LRSAM1: variants seen among roughly 807,000 people sequenced by gnomAD.
LRSAM1 encodes the protein E3 ubiquitin-protein ligase LRSAM1.
In LRSAM1, 96 loss-of-function variants were observed where a neutral mutation model predicts 118.1. The ratio of observed to expected loss-of-function variants is 0.81; its 90% confidence interval spans 0.69 to 0.96. The LOEUF is 0.96. Ranked by LOEUF, LRSAM1 falls within the 40% of genes least tolerant of loss-of-function variation. The pLI is 0.00. For missense variants in LRSAM1, 804 were observed against 915.5 expected (o/e 0.88, Z 1.57); for synonymous variants, 322 against 364.2 (o/e 0.88, Z 1.32).
At chr9:127,473,214 A>G (rs749885530) in intron 10 of LRSAM1, among the ~76,000 whole-genome samples, 2 of 152,232 alleles carry the variant, frequency 1.3e-5, no homozygotes, top group Non-Finnish European at 2.9e-5. Flanking sequence ...CTTTGAGTAC[A>G]TCAAAACTTA....
Position 127,467,801 on chromosome 9 carries a change from C to T in LRSAM1, c.590C>T (p.Thr197Ile), listed in dbSNP as rs1835016139. The part of the protein sequence containing the change: ...YPPREVCGAG[T>I]AAILQFLCKE... ...CCGCGGGAGGTGTGTGGTGCCGGCA[C>T]TGCGGCCATCTTGCAGTTCCTCTGC... is the stretch of plus-strand genomic sequence containing the variant. The change falls in exon 10 of 26, where the codon ACT becomes ATT. Residue 197 changes from threonine (T) to isoleucine (I), a missense_variant. Thr to Ile is a moderately conservative substitution (Grantham distance 89, BLOSUM62 -1). Coordinates refer to ENST00000300417, the MANE Select transcript of LRSAM1 (RefSeq NM_001005373.4). The T allele has an allele frequency of 6.2e-7, 1 of 1,606,452 alleles. No individual in the cohort carries two copies. Among genetic ancestry groups the T allele is most frequent in the African/African-American group, 1.3e-5 (1 of 74,928 alleles).
At chr9:127,469,743 C>A (rs1319483071) in intron 10 of LRSAM1, among the ~76,000 whole-genome samples, 1 of 152,162 alleles carries the variant, frequency 6.6e-6, no homozygotes, top group Non-Finnish European at 1.5e-5. Flanking sequence ...GTGGGCGGAT[C>A]ATGACGTCAG....
intron 11 of LRSAM1, 53 bp from the exon 12 acceptor site, chr9:127,478,880 AG>A: frequency 6.3e-7 from 1 of 1,597,110 alleles, no homozygotes; most frequent in Non-Finnish European, 8.6e-7. Context: ...TGCCCATGCC[AG>A]GGAGAACCAC....
At chr9:127,485,956 G>A in intron 17 of LRSAM1, 121 bp downstream of exon 17, 1 of 833,748 alleles carries the variant, frequency 1.2e-6, no homozygotes. Context: ...CCTCTGCTCT[G>A]CTGTTAGGGG....
chr9:127,453,997 A>T, intron 2 of LRSAM1: 1 of 237,694 alleles, frequency 4.2e-6, no homozygotes, highest in Non-Finnish European at 8.4e-6. Flanking sequence ...ACTGACCCTT[A>T]CCCCATGGAA....
At chr9:127,463,584 CA>C (rs1834829280) in intron 9 of LRSAM1, among the ~76,000 whole-genome samples, 1 of 152,140 alleles carries the variant, frequency 6.6e-6, no homozygotes, top group Non-Finnish European at 1.5e-5. Context: ...AGAAGCACAC[CA>C]GTCACATTGG....
chr9:127,454,896 A>G (rs1170157952), intron 3 of LRSAM1, 102 bp from the exon 4 acceptor site: 13 of 1,138,512 alleles, frequency 1.1e-5, no homozygotes, highest in Non-Finnish European at 1.5e-5. Context: ...GATAGTGTCT[A>G]TGGTCCTTTG....
At chr9:127,494,453 G>A (rs1428079721) in intron 21 of LRSAM1, among the ~76,000 whole-genome samples, 1 of 152,250 alleles carries the variant, frequency 6.6e-6, no homozygotes, top group Non-Finnish European at 1.5e-5. Context: ...TCACCTGGGA[G>A]GTAGAATCTC....
At chr9:127,487,893 G>A (rs2132087243) in intron 18 of LRSAM1, 130 bp downstream of exon 18, 2 of 778,442 alleles carry the variant, frequency 2.6e-6, no homozygotes, top group South Asian at 1.7e-5. Flanking sequence ...TGACCATAGA[G>A]GTGTACAAGT....
chr9:127,467,877 C>G lies in LRSAM1; in HGVS notation c.619+47C>G, dbSNP rs758777482. The G allele has an allele frequency of 7.9e-6, 12 of 1,521,426 alleles. No homozygotes were observed. In the African/African-American group the frequency reaches 1.6e-4, roughly 21 times the overall value. 94.2% of individuals were successfully genotyped at this position (1,521,426 alleles called of 1,614,324 possible). ...CTCCCCTCATTGAGGAACTATGACCCCCATGGCCACCCTGTGCCAGCCCAG... is the reference window on the plus strand; with the variant it reads ...CTCCCCTCATTGAGGAACTATGACCGCCATGGCCACCCTGTGCCAGCCCAG... On this transcript the variant is annotated intron_variant, in intron 10 of 25. Transcript: ENST00000300417.
intron 16 of LRSAM1, among the ~76,000 whole-genome samples, chr9:127,484,047 A>C (rs1835634897): frequency 6.6e-6 from 1 of 151,950 alleles, no homozygotes; most frequent in Non-Finnish European, 1.5e-5. Context: ...CATCTTCCTC[A>C]ACTGAAACTG....
upstream of LRSAM1, chr9:127,451,495 C>G: frequency 1.4e-6 from 1 of 713,342 alleles, no homozygotes; most frequent in South Asian, 1.8e-5. Flanking sequence ...CAGAGACGCC[C>G]TTGTCGCCAT....
At chr9:127,492,959 C>T in intron 21 of LRSAM1, 62 bp downstream of exon 21, 1 of 1,400,622 alleles carries the variant, frequency 7.1e-7, no homozygotes, top group Non-Finnish European at 1.0e-6. Context: ...AACAGACTTG[C>T]CATTTTTAGA....
intron 21 of LRSAM1, among the ~76,000 whole-genome samples, chr9:127,494,230 G>A (rs1318123415): frequency 1.3e-5 from 2 of 152,270 alleles, no homozygotes; most frequent in African/African-American, 2.4e-5. Flanking sequence ...GAAGGGAGCA[G>A]TGGGCGTGGC....
In LRSAM1 at chr9:127,465,861, G is replaced by A. The variant is rs550159592; in HGVS notation, c.529-1879G>A. Among the ~76,000 whole-genome samples the A allele has an allele frequency of 3.3e-5, 5 of 152,310 alleles. No individual in the cohort carries two copies. The highest frequency in any genetic ancestry group is 2.1e-4 in the South Asian group (1 of 4,822). Reference sequence around the variant, plus strand: ...GGCAGGGTCCAACACAACTCACACCGTGGATGGGGCAGTTCTGTGGCTGTG... The same window carrying A: ...GGCAGGGTCCAACACAACTCACACCATGGATGGGGCAGTTCTGTGGCTGTG... On this transcript the variant is annotated intron_variant, in intron 9 of 25. Transcript: ENST00000300417. This position sits in a 1 kb window ranked among gnomAD's most constrained non-coding sequence, Gnocchi z 4.1.
At chr9:127,485,931 C>T in intron 17 of LRSAM1, 96 bp downstream of exon 17, 2 of 1,131,020 alleles carry the variant, frequency 1.8e-6, no homozygotes, top group Non-Finnish European at 1.3e-6. Context: ...AACCTCCCGC[C>T]CTGGGCCACC....
rs188485077 is a variant in LRSAM1, at chr9:127,465,083, C to T, written c.529-2657C>T. ...GGGCAAGATCTTCAGGTGTCACGCA[C>T]GCCACCCACCAAACAGCCCACCAGG... On this transcript the variant is annotated intron_variant, in intron 9 of 25. Coordinates refer to ENST00000300417, the MANE Select transcript of LRSAM1 (RefSeq NM_001005373.4). The surrounding 1 kb of genome is among the most constrained non-coding windows in gnomAD (Gnocchi z 4.1). Among the ~76,000 whole-genome samples, 73 of 152,270 alleles carry T rather than the reference C, an allele frequency of 4.8e-4. No individual in the cohort carries two copies. The East Asian group carries it at 0.012, about 24-fold the overall frequency.
At chr9:127,495,780 C>T (rs1033533503) in intron 22 of LRSAM1, among the ~76,000 whole-genome samples, 184 bp from the exon 23 acceptor site, 5 of 152,278 alleles carry the variant, frequency 3.3e-5, no homozygotes, top group African/African-American at 7.2e-5. Flanking sequence ...GCAGACAGAG[C>T]GGCAGTGAAC....
At chr9:127,455,733 T>G in intron 5 of LRSAM1, 113 bp downstream of exon 5, 1 of 1,007,696 alleles carries the variant, frequency 9.9e-7, no homozygotes, top group Non-Finnish European at 1.6e-6. Flanking sequence ...TTCTCTCTGC[T>G]TCTTATGCTC....
Sources: allele counts gnomAD v4.1 joint callset (sites outside exome capture counted in the v4.1 genomes callset), GRCh38; gene constraint gnomAD v4.1.1; non-coding constraint Gnocchi (gnomAD v3.1); transcripts MANE v1.5; gene names NCBI Gene and HGNC (gene_info 2026-07-23, HGNC 2026-07-21).